Variants in ZFAND3 observed in about 807,000 individuals in gnomAD.
ZFAND3 encodes AN1-type zinc finger protein 3.
In ZFAND3, 10 loss-of-function variants were observed where a neutral mutation model predicts 29.6. That is an observed-to-expected ratio of 0.34 (90% CI 0.21 to 0.57). The LOEUF is 0.57. ZFAND3 is among the 20% of genes least tolerant of loss of function. ZFAND3 has a pLI of 0.86. For missense variants in ZFAND3, 230 were observed against 304.5 expected (o/e 0.76, Z 1.82); for synonymous variants, 128 against 112.6 (o/e 1.14, Z -0.87).
At chr6:38,135,701 C>T (rs774263756) in intron 5 of ZFAND3, among the ~76,000 whole-genome samples, 50 of 151,968 alleles carry the variant, frequency 3.3e-4, no homozygotes, top group Non-Finnish European at 5.6e-4. Flanking sequence ...GCCGAGATCG[C>T]GCCACTGCAT....
chr6:37,963,880 A>G (rs752393317), intron 2 of ZFAND3, among the ~76,000 whole-genome samples: 2 of 152,224 alleles, frequency 1.3e-5, no homozygotes, highest in Non-Finnish European at 2.9e-5. Context: ...AAGGTACATT[A>G]TAGATAAATA....
At position 38,060,588 on chromosome 6, in the gene ZFAND3, A is replaced by C. The variant is rs77765366; in HGVS notation, c.113-1005A>C. 9.4e-3 allele frequency among the ~76,000 whole-genome samples: 1,416 copies of C among 151,248 alleles called. 10 individuals carry two copies. The highest frequency in any genetic ancestry group is 0.015 in the Non-Finnish European group (1,016 of 67,848). On this transcript the variant is annotated intron_variant, in intron 2 of 5. Coordinates refer to ENST00000287218, the MANE Select transcript of ZFAND3 (RefSeq NM_021943.3). ...CAAGAGATACTCCCAAGTAGCTGAGACTACAAGTGTGCACCACCACCCTCA... is the reference window on the plus strand; with the variant it reads ...CAAGAGATACTCCCAAGTAGCTGAGCCTACAAGTGTGCACCACCACCCTCA...
intron 1 of ZFAND3, among the ~76,000 whole-genome samples, chr6:37,927,300 A>C (rs940967714): frequency 4.6e-5 from 7 of 152,206 alleles, no homozygotes; most frequent in Non-Finnish European, 8.8e-5. Context: ...AAGGCTTTCC[A>C]TGATTCCTGC....
At chr6:38,027,469 G>C (rs1306440232) in intron 2 of ZFAND3, among the ~76,000 whole-genome samples, 1 of 152,086 alleles carries the variant, frequency 6.6e-6, no homozygotes, top group East Asian at 1.9e-4. Flanking sequence ...CCTTTCTAAA[G>C]GCATCTTTTT....
chr6:38,007,082 A>G (rs1277981191), intron 2 of ZFAND3, among the ~76,000 whole-genome samples: 1 of 152,218 alleles, frequency 6.6e-6, no homozygotes, highest in South Asian at 2.1e-4. Context: ...TGATGGACAT[A>G]CACTTGCCAA....
chr6:37,929,723 A>G (rs1417060549), intron 1 of ZFAND3, among the ~76,000 whole-genome samples: 1 of 151,962 alleles, frequency 6.6e-6, no homozygotes, highest in Non-Finnish European at 1.5e-5. Flanking sequence ...GCTAATTTAC[A>G]GGTAAAAAAT....
At chr6:37,883,368 C>T (rs1764931619) in intron 1 of ZFAND3, among the ~76,000 whole-genome samples, 1 of 152,116 alleles carries the variant, frequency 6.6e-6, no homozygotes, top group Admixed American at 6.5e-5. Context: ...ACTGTACCAG[C>T]AATATTGTCA....
At chr6:37,861,140 T>G (rs1764482847) in intron 1 of ZFAND3, among the ~76,000 whole-genome samples, 1 of 151,930 alleles carries the variant, frequency 6.6e-6, no homozygotes, top group South Asian at 2.1e-4. Context: ...TCTTATAATC[T>G]AAGCTACTTG....
chr6:37,954,725 G>C (rs780557914), intron 2 of ZFAND3, among the ~76,000 whole-genome samples: 5 of 152,182 alleles, frequency 3.3e-5, no homozygotes, highest in South Asian at 4.1e-4. Flanking sequence ...AACTTCCCAT[G>C]CTTTATTCTG....
chr6:38,045,101 T>TATTTATTTATTG (rs1554169434), intron 2 of ZFAND3, among the ~76,000 whole-genome samples: 60 of 146,180 alleles, frequency 4.1e-4, no homozygotes, highest in African/African-American at 1.0e-3. Context: ...TTTATTTATT[T>TATTTATTTATTG]ATTGAGATGG....
rs184781658 is a variant in ZFAND3, at chr6:38,089,570, A to G, written c.361+7113A>G. The stretch of plus-strand genomic sequence containing the variant: ...CAGTGTTTGGAAGCCAGTTAAAGGG[A>G]AATGTTTCCTTGTTGTTAGGTTACT... On this transcript the variant is annotated intron_variant, in intron 4 of 5. Transcript: ENST00000287218. Among the ~76,000 whole-genome samples, 125 of 152,332 alleles carry G rather than the reference A, an allele frequency of 8.2e-4. 1 individual carries two copies. Among genetic ancestry groups the G allele is most frequent in the Non-Finnish European group, 1.5e-3 (99 of 68,030 alleles).
intron 2 of ZFAND3, among the ~76,000 whole-genome samples, chr6:38,028,132 C>CA (rs1422663047): frequency 6.6e-6 from 1 of 152,184 alleles, no homozygotes; most frequent in Non-Finnish European, 1.5e-5. Context: ...CCTAGAATGA[C>CA]AATCAGTTCC....
chr6:38,029,191 G>A (rs1030750660), intron 2 of ZFAND3, among the ~76,000 whole-genome samples: 2 of 152,142 alleles, frequency 1.3e-5, no homozygotes, highest in Non-Finnish European at 2.9e-5. Flanking sequence ...TATTTAAATA[G>A]TACAGCTTAT....
At chr6:37,891,183 G>A (rs909925617) in intron 1 of ZFAND3, among the ~76,000 whole-genome samples, 5 of 152,008 alleles carry the variant, frequency 3.3e-5, no homozygotes, top group African/African-American at 7.3e-5. Context: ...TTTGTGACTG[G>A]CTTCTTTAAC....
intron 2 of ZFAND3, among the ~76,000 whole-genome samples, chr6:38,037,393 A>AG (rs1763679593): frequency 6.6e-6 from 1 of 152,242 alleles, no homozygotes; most frequent in Admixed American, 6.5e-5. Flanking sequence ...AATTCATGTC[A>AG]GAGTTCTGGT....
chr6:37,824,961 CAT>C (rs1396790144), intron 1 of ZFAND3, among the ~76,000 whole-genome samples: 1 of 152,156 alleles, frequency 6.6e-6, no homozygotes, highest in Non-Finnish European at 1.5e-5. Flanking sequence ...GAAAACATAA[CAT>C]GATTTGTTTT....
intron 2 of ZFAND3, among the ~76,000 whole-genome samples, chr6:37,988,934 T>A (rs1263122608): frequency 1.3e-5 from 2 of 152,154 alleles, no homozygotes; most frequent in African/African-American, 4.8e-5. Flanking sequence ...AGACAGAGTC[T>A]TGCTCTGTCA....
At chr6:38,026,337 G>T (rs1211472914) in intron 2 of ZFAND3, among the ~76,000 whole-genome samples, 1 of 151,414 alleles carries the variant, frequency 6.6e-6, no homozygotes, top group Non-Finnish European at 1.5e-5. Flanking sequence ...AACTATATAA[G>T]GTCTCAGAGG....
At chr6:38,099,827 C>A (rs942210919) in intron 4 of ZFAND3, among the ~76,000 whole-genome samples, 11 of 152,164 alleles carry the variant, frequency 7.2e-5, no homozygotes, top group African/African-American at 2.2e-4. Context: ...TCAAACAACT[C>A]TCTTCAAAGA....
Sources: allele counts gnomAD v4.1 joint callset (sites outside exome capture counted in the v4.1 genomes callset), GRCh38; gene constraint gnomAD v4.1.1; transcripts MANE v1.5; gene names NCBI Gene and HGNC (gene_info 2026-07-23, HGNC 2026-07-21).